Variants in LGR4 observed in about 807,000 individuals in gnomAD.
The protein encoded by LGR4 is leucine-rich repeat-containing G protein-coupled receptor 4.
In LGR4, 44 loss-of-function variants were observed where a neutral mutation model predicts 84.8. The observed-to-expected ratio is 0.52, with a 90% CI of 0.41 to 0.67. The LOEUF is 0.67. Among genes scored for constraint, LGR4 ranks in the 30% least tolerant of loss-of-function variants. The pLI, the probability that LGR4 is intolerant of heterozygous loss-of-function variation, is 0.00. For missense variants in LGR4, 1,032 were observed against 1,131.4 expected, an observed-to-expected ratio of 0.91 and a Z score of 1.26; for synonymous variants, 429 against 434.3, an observed-to-expected ratio of 0.99 and a Z score of 0.15.
chr11:27,430,825 T>C (rs1864102972), intron 1 of LGR4, among the ~76,000 whole-genome samples: 1 of 152,148 alleles, frequency 6.6e-6, no homozygotes, highest in African/African-American at 2.4e-5. Flanking sequence ...CTTTGTTCTA[T>C]ATCAAGGCCC....
intron 11 of LGR4, 92 bp downstream of exon 11, chr11:27,378,605 A>G: frequency 1.1e-6 from 1 of 924,022 alleles, no homozygotes; most frequent in Admixed American, 2.1e-5. Context: ...CCTCAAAACC[A>G]CCTTATGAAA....
chr11:27,440,232 T>C (rs5020127), intron 1 of LGR4, among the ~76,000 whole-genome samples: 63,616 of 151,946 alleles, frequency 0.42, 15,234 homozygotes, highest in Middle Eastern at 0.56. Flanking sequence ...ACAATGCATC[T>C]TGACCACAGT....
intron 1 of LGR4, among the ~76,000 whole-genome samples, chr11:27,414,354 C>A (rs1021661327): frequency 1.3e-5 from 2 of 151,436 alleles, no homozygotes; most frequent in African/African-American, 4.9e-5. Context: ...CATAATTATC[C>A]ATGAATCTCT....
intron 1 of LGR4, among the ~76,000 whole-genome samples, chr11:27,458,454 C>T (rs988966598): frequency 2.6e-5 from 4 of 152,030 alleles, no homozygotes; most frequent in Non-Finnish European, 4.4e-5. Context: ...TAGAACTGAA[C>T]ATTAAAAAGG....
At chr11:27,383,407 C>T (rs1863134167) in intron 6 of LGR4, among the ~76,000 whole-genome samples, 2 of 152,128 alleles carry the variant, frequency 1.3e-5, no homozygotes, top group Admixed American at 1.3e-4. Flanking sequence ...GATTAGGAAA[C>T]CTATTCAATC....
intron 1 of LGR4, among the ~76,000 whole-genome samples, chr11:27,456,213 T>G (rs1050298213): frequency 1.3e-5 from 2 of 152,140 alleles, no homozygotes; most frequent in African/African-American, 4.8e-5. Flanking sequence ...GATTCAATCA[T>G]GAATAATAGC....
chr11:27,453,554 T>C (rs1864521824), intron 1 of LGR4, among the ~76,000 whole-genome samples: 1 of 152,122 alleles, frequency 6.6e-6, no homozygotes. Context: ...ACCTTTTATA[T>C]TCATTGTGCT....
chr11:27,450,209 C>T (rs547984942), intron 1 of LGR4, among the ~76,000 whole-genome samples: 72 of 152,246 alleles, frequency 4.7e-4, no homozygotes, highest in Non-Finnish European at 8.8e-4. Context: ...GGCAATAGGG[C>T]CTTAAGACTA....
intron 1 of LGR4, among the ~76,000 whole-genome samples, chr11:27,414,771 G>A (rs114588186): frequency 0.011 from 1,686 of 152,112 alleles, 32 homozygotes; most frequent in African/African-American, 0.035. Flanking sequence ...GAAAAGGCAG[G>A]CGCAACTCCC....
At chr11:27,444,072 C>G (rs561818527) in intron 1 of LGR4, among the ~76,000 whole-genome samples, 33 of 147,982 alleles carry the variant, frequency 2.2e-4, no homozygotes, top group African/African-American at 8.1e-4. Context: ...AGGCATTACA[C>G]GCCTGTTTTC....
At chr11:27,382,128 G>T (rs1232611873) in intron 7 of LGR4, 60 bp downstream of exon 7, 2 of 1,091,228 alleles carry the variant, frequency 1.8e-6, no homozygotes, top group East Asian at 2.4e-5. Context: ...CCCATTGTTG[G>T]AACATTAAAT....
At chr11:27,466,084 A>G (rs1864773014) in intron 1 of LGR4, among the ~76,000 whole-genome samples, 1 of 152,234 alleles carries the variant, frequency 6.6e-6, no homozygotes, top group Non-Finnish European at 1.5e-5. Context: ...CTCACTCCAA[A>G]ACCTTGAGAT....
At chr11:27,461,132 A>G (rs1864672497) in intron 1 of LGR4, among the ~76,000 whole-genome samples, 1 of 152,202 alleles carries the variant, frequency 6.6e-6, no homozygotes, top group African/African-American at 2.4e-5. Context: ...TACTTTAAAG[A>G]AAGGATTTTA....
Position 27,380,730 on chromosome 11 carries a change from A to G in LGR4, c.831-19T>C, listed in dbSNP as rs1863076918. 6.4e-7 allele frequency: 1 copy of G among 1,553,470 alleles called. No individual in the cohort carries two copies. On this transcript the variant is annotated intron_variant, in intron 8 of 17. Transcript: ENST00000379214. ...CAAATGTCTGTGAAAATATCCAAAAAAAGTAAAATTTTCATATGTTCACAA... is the reference window on the plus strand; with the variant it reads ...CAAATGTCTGTGAAAATATCCAAAAGAAGTAAAATTTTCATATGTTCACAA...
At chr11:27,397,203 A>T (rs191941261) in intron 2 of LGR4, among the ~76,000 whole-genome samples, 114 of 152,152 alleles carry the variant, frequency 7.5e-4, no homozygotes, top group Non-Finnish European at 4.9e-4. Context: ...AAATACCCAC[A>T]ACTCTGCCCT....
At chr11:27,448,795 A>C (rs917254498) in intron 1 of LGR4, among the ~76,000 whole-genome samples, 10 of 152,216 alleles carry the variant, frequency 6.6e-5, no homozygotes, top group Non-Finnish European at 1.3e-4. Context: ...TGAGACTAAC[A>C]AAAATGAGCT....
chr11:27,469,732 G>C (rs902612287), intron 1 of LGR4, among the ~76,000 whole-genome samples: 1 of 152,170 alleles, frequency 6.6e-6, no homozygotes, highest in African/African-American at 2.4e-5. Flanking sequence ...ACATGCTCCA[G>C]CAATTAAGAA....
rs939205973 is a variant in LGR4, at chr11:27,385,116, T to C, written c.617+137A>G. 23 of 603,788 alleles carry C rather than the reference T, an allele frequency of 3.8e-5. No homozygotes were observed. The East Asian group carries it at 6.4e-4, about 17-fold the overall frequency. The allele number at this position is 603,788 out of a possible 1,614,324, so 37.4% of individuals were successfully genotyped here. On this transcript the variant is annotated intron_variant, in intron 5 of 17. Coordinates refer to ENST00000379214, the MANE Select transcript of LGR4 (RefSeq NM_018490.5). ...AATTATCCTATTCTGTTTAATATTG[T>C]ACAAAAGCAGCTCCCAAAGCACTAA...
At chr11:27,446,120 A>C (rs1255709169) in intron 1 of LGR4, among the ~76,000 whole-genome samples, 1 of 152,178 alleles carries the variant, frequency 6.6e-6, no homozygotes, top group Admixed American at 6.5e-5. Flanking sequence ...GAGAGCTTAA[A>C]AATGGGGTTG....
Sources: allele counts gnomAD v4.1 joint callset (sites outside exome capture counted in the v4.1 genomes callset), GRCh38; gene constraint gnomAD v4.1.1; transcripts MANE v1.5; gene names NCBI Gene and HGNC (gene_info 2026-07-23, HGNC 2026-07-21).